Variants in CDH20 observed in about 807,000 individuals in gnomAD.
CDH20 encodes cadherin 20.
A neutral mutation model predicts 74.2 loss-of-function variants in CDH20; 29 were observed. That is an observed-to-expected ratio of 0.39 (90% CI 0.29 to 0.53). CDH20 has a LOEUF of 0.53. Ranked by LOEUF, CDH20 falls within the 20% of genes least tolerant of loss-of-function variation. The probability of loss-of-function intolerance (pLI) is 0.69; values close to 1 mark genes in which losing one functional copy is unlikely to be tolerated. For missense variants in CDH20, 988 were observed against 1,048.3 expected, an observed-to-expected ratio of 0.94 and a Z score of 0.79; for synonymous variants, 469 against 405.4, an observed-to-expected ratio of 1.16 and a Z score of -1.88.
intron 1 of CDH20, among the ~76,000 whole-genome samples, chr18:61,420,615 G>A (rs1292295147): frequency 1.3e-5 from 2 of 152,146 alleles, no homozygotes; most frequent in Admixed American, 1.3e-4. Context: ...TTCCAGGGGA[G>A]AGGTGCTGTG....
intron 6 of CDH20, among the ~76,000 whole-genome samples, chr18:61,522,484 T>G (rs1212954880): frequency 6.6e-6 from 1 of 152,160 alleles, no homozygotes; most frequent in Non-Finnish European, 1.5e-5. Flanking sequence ...AAAATGGCCA[T>G]ACTGCCCAAA....
chr18:61,538,108 G>A (rs1022031543), intron 8 of CDH20, among the ~76,000 whole-genome samples: 5 of 152,204 alleles, frequency 3.3e-5, no homozygotes, highest in African/African-American at 1.2e-4. Context: ...GATTTGGTGT[G>A]TGTTTGATCC....
At chr18:61,405,072 A>G (rs1912286461) in intron 1 of CDH20, 3 of 672,022 alleles carry the variant, frequency 4.5e-6, no homozygotes, top group South Asian at 1.4e-5. Context: ...GAGAATGACC[A>G]ATTTTGCTTT....
Position 61,424,595 on chromosome 18 carries a change from C to T in CDH20, c.-152-65807C>T, listed in dbSNP as rs898971071. Among the ~76,000 whole-genome samples the T allele has an allele frequency of 2.0e-5, 3 of 152,144 alleles. 1 individual carries two copies. The South Asian group carries it at 6.2e-4, about 31-fold the overall frequency. ...CTCATCCATCTAGAATTTGTATGTA[C>T]TAATTTTATTTAATGTCAAATAGCA... On this transcript the variant is annotated intron_variant, in intron 1 of 11. Transcript: ENST00000262717.
intron 8 of CDH20, among the ~76,000 whole-genome samples, chr18:61,538,274 T>A (rs1912879076): frequency 6.6e-6 from 1 of 152,222 alleles, no homozygotes; most frequent in South Asian, 2.1e-4. Flanking sequence ...CGATTGGCAA[T>A]GGGCTCTTTT....
At chr18:61,457,088 G>T (rs1909597221) in intron 1 of CDH20, among the ~76,000 whole-genome samples, 1 of 151,978 alleles carries the variant, frequency 6.6e-6, no homozygotes, top group Non-Finnish European at 1.5e-5. Context: ...CTTCTAAATA[G>T]ACCTTGTGTT....
intron 1 of CDH20, among the ~76,000 whole-genome samples, chr18:61,423,227 A>G (rs1912949409): frequency 6.6e-6 from 1 of 152,214 alleles, no homozygotes; most frequent in Non-Finnish European, 1.5e-5. Flanking sequence ...TGAGGTATAC[A>G]GAGCACAGGG....
intron 7 of CDH20, among the ~76,000 whole-genome samples, chr18:61,531,292 T>C (rs1187593605): frequency 4.6e-5 from 7 of 152,180 alleles, no homozygotes; most frequent in African/African-American, 1.7e-4. Flanking sequence ...CCCTCTCCCA[T>C]GCGACATTCA....
intron 5 of CDH20, among the ~76,000 whole-genome samples, chr18:61,505,229 C>T (rs1911519076): frequency 1.3e-5 from 2 of 151,970 alleles, no homozygotes; most frequent in Admixed American, 1.3e-4. Context: ...TAGATGGATT[C>T]GGACATATTG....
intron 1 of CDH20, among the ~76,000 whole-genome samples, chr18:61,430,078 T>G (rs1387820236): frequency 1.3e-5 from 2 of 152,134 alleles, no homozygotes; most frequent in African/African-American, 4.8e-5. Context: ...GGCTTTTTTT[T>G]TTTTCATTGT....
At chr18:61,362,488 CA>C (rs1314733411) in intron 1 of CDH20, among the ~76,000 whole-genome samples, 1 of 152,074 alleles carries the variant, frequency 6.6e-6, no homozygotes, top group Non-Finnish European at 1.5e-5. Flanking sequence ...AGGATACAAA[CA>C]AACAAAAATC....
In CDH20 at chr18:61,554,588, A is replaced by C. The variant is rs1727642158; in HGVS notation, c.2299A>C (p.Thr767Pro). ...AGSLSSLQSATSDSEQSFDFL... is the reference protein window; with the variant it reads ...AGSLSSLQSAPSDSEQSFDFL... ...GTCGCTGAGCTCCCTGCAGTCGGCC[A>C]CGTCGGACTCGGAACAGAGCTTCGA... is the stretch of plus-strand genomic sequence containing the variant. The change falls in exon 12 of 12, where the codon ACG (threonine) becomes CCG (proline). Residue 767 changes from threonine to proline, a missense_variant. Physicochemically the swap from Thr to Pro is conservative, Grantham distance 38. This residue lies in a region of CDH20 where 375 missense variants were observed against 293.1 expected (regional missense o/e 1.28). Transcript: ENST00000262717. The C allele has an allele frequency of 6.2e-7, 1 of 1,609,074 alleles. No individual in the cohort carries two copies. The highest frequency in any genetic ancestry group is 1.3e-5 in the African/African-American group (1 of 74,868).
chr18:61,536,702 A>G (rs2144387663), intron 8 of CDH20, 73 bp downstream of exon 8: 2 of 1,324,890 alleles, frequency 1.5e-6, no homozygotes, highest in Admixed American at 2.0e-5. Context: ...AGTTTCTAGA[A>G]CTTGTTGTAA....
intron 1 of CDH20, among the ~76,000 whole-genome samples, chr18:61,434,547 A>C (rs1273358269): frequency 1.3e-5 from 2 of 152,102 alleles, no homozygotes; most frequent in African/African-American, 4.8e-5. Flanking sequence ...AGGGAAACTG[A>C]GGCCTCAAGA....
At chr18:61,391,756 T>C (rs1368940659) in intron 1 of CDH20, 1 of 150,486 alleles carries the variant, frequency 6.6e-6, no homozygotes, top group Non-Finnish European at 1.5e-5. Context: ...GAAAAAAAAA[T>C]ACAAATGAAA....
chr18:61,535,802 A>G (rs554731071), intron 7 of CDH20, among the ~76,000 whole-genome samples: 2 of 152,358 alleles, frequency 1.3e-5, no homozygotes, highest in African/African-American at 2.4e-5. Flanking sequence ...TTTGCTTGTT[A>G]TACATCATTA....
At chr18:61,482,157 G>C (rs1377108710) in intron 1 of CDH20, among the ~76,000 whole-genome samples, 1 of 152,126 alleles carries the variant, frequency 6.6e-6, no homozygotes, top group Non-Finnish European at 1.5e-5. Context: ...TGTGCTCTAA[G>C]AAAAAGCAGC....
chr18:61,405,793 C>T (rs1912311231), intron 1 of CDH20, among the ~76,000 whole-genome samples: 1 of 152,146 alleles, frequency 6.6e-6, no homozygotes, highest in Admixed American at 6.5e-5. Context: ...GGCCCAGCAG[C>T]CTGTGTTAAC....
At chr18:61,435,670 A>T (rs1183498581) in intron 1 of CDH20, among the ~76,000 whole-genome samples, 1 of 151,216 alleles carries the variant, frequency 6.6e-6, no homozygotes, top group Admixed American at 6.6e-5. Context: ...CAAAGTTTTT[A>T]AAAATATATA....
Sources: gnomAD v4.1 joint callset for allele counts (sites outside exome capture counted in the v4.1 genomes callset) on GRCh38, gnomAD v4.1.1 for gene constraint, gnomAD v4.1.1 regional missense constraint, MANE v1.5 for transcripts, NCBI Gene and HGNC (gene_info 2026-07-23, HGNC 2026-07-21) for gene names.